Variants in ABCA10 observed in about 807,000 individuals in gnomAD.
ABCA10 encodes ATP-binding cassette sub-family A member 10.
ABCA10 carries 169 observed loss-of-function variants against 187.5 expected under a neutral mutation model. The ratio of observed to expected loss-of-function variants is 0.90; its 90% confidence interval spans 0.80 to 1.02. The LOEUF is 1.02. ABCA10 is among the 50% of genes least tolerant of loss of function. The pLI is 0.00. For missense variants in ABCA10, 1,727 were observed against 1,812.4 expected (o/e 0.95, Z 0.86); for synonymous variants, 574 against 601.8 (o/e 0.95, Z 0.68).
chr17:69,194,174 C>T (rs2074482121), intron 12 of ABCA10, among the ~76,000 whole-genome samples, 185 bp from the exon 13 acceptor site: 1 of 152,108 alleles, frequency 6.6e-6, no homozygotes, highest in South Asian at 2.1e-4. Context: ...TCTGTGTCCA[C>T]AGCAATGCAA....
At chr17:69,153,155 C>T (rs1055501732) in intron 34 of ABCA10, 150 bp downstream of exon 34, 1 of 850,512 alleles carries the variant, frequency 1.2e-6, no homozygotes, top group Non-Finnish European at 1.7e-6. Context: ...ATTTTGAATG[C>T]TATATTAGGT....
rs1221357520 is a variant in ABCA10 at position 69,185,633 on chromosome 17, G to A, written c.2341C>T (p.Leu781Phe). 6.2e-7 allele frequency: 1 copy of A among 1,602,916 alleles called. No homozygotes were observed. Among genetic ancestry groups the A allele is most frequent in the Non-Finnish European group, 8.5e-7 (1 of 1,173,408 alleles). The change falls in exon 20 of 39, where the codon CTT (leucine) becomes TTT (phenylalanine). Residue 781 changes from leucine to phenylalanine, a missense_variant. By Grantham distance (22) the Leu-to-Phe change is conservative. Coordinates refer to ENST00000690296, the MANE Select transcript of ABCA10 (RefSeq NM_001377321.1). The part of the protein sequence containing the change: ...RRALLCLLLV[L>F]GIAFIPIILE... ...ATGATGGGGATAAAAGCAATTCCAA[G>A]TACTAGTAACCTAAGTAAAACAAAA...
At chr17:69,216,863 T>C (rs1231500157) in intron 6 of ABCA10, among the ~76,000 whole-genome samples, 1 of 152,208 alleles carries the variant, frequency 6.6e-6, no homozygotes, top group Non-Finnish European at 1.5e-5. Flanking sequence ...TTTTTTATCC[T>C]TGTATGGCTA....
chr17:69,157,207 C>G (rs906396161), intron 27 of ABCA10, among the ~76,000 whole-genome samples: 1 of 151,994 alleles, frequency 6.6e-6, no homozygotes, highest in African/African-American at 2.4e-5. Flanking sequence ...GCTTTTAAAG[C>G]CAAATCTAAA....
At chr17:69,153,429 C>T in intron 33 of ABCA10, 30 bp from the exon 34 acceptor site, 1 of 1,613,634 alleles carries the variant, frequency 6.2e-7, no homozygotes, top group Non-Finnish European at 8.5e-7. Context: ...CCGTCGGCAC[C>T]CAGCCATGGG....
chr17:69,185,461 C>T lies in ABCA10; in HGVS notation c.2497+16G>A, dbSNP rs769759089. On this transcript the variant is annotated intron_variant, in intron 20 of 38. Transcript: ENST00000690296. Reference sequence around the variant, plus strand: ...GATAATAAAAACTCACACTAAATTTCAGCCCCATTTCTCACCTGTATTATT... The same window carrying T: ...GATAATAAAAACTCACACTAAATTTTAGCCCCATTTCTCACCTGTATTATT... 1.3e-6 allele frequency: 2 copies of T among 1,594,176 alleles called. No homozygotes were observed. The highest frequency in any genetic ancestry group is 3.5e-5 in the Admixed American group (2 of 57,010).
At chr17:69,149,859 C>A in intron 37 of ABCA10, 125 bp downstream of exon 37, 1 of 717,720 alleles carries the variant, frequency 1.4e-6, no homozygotes, top group Non-Finnish European at 2.2e-6. Context: ...TATGACTATC[C>A]TGGTAGGGAT....
chr17:69,168,800 A>G (rs4968786), intron 25 of ABCA10, among the ~76,000 whole-genome samples: 10,730 of 152,226 alleles, frequency 0.07, 512 homozygotes, highest in Admixed American at 0.15. Context: ...ATGGTTTTCA[A>G]AACAGGAGTT....
intron 9 of ABCA10, among the ~76,000 whole-genome samples, chr17:69,202,545 A>T (rs2074554314): frequency 6.6e-6 from 1 of 152,134 alleles, no homozygotes; most frequent in South Asian, 2.1e-4. Context: ...AGCATGGGAA[A>T]TTTTTTTAAT....
intron 22 of ABCA10, among the ~76,000 whole-genome samples, chr17:69,177,679 T>C (rs1295455807): frequency 6.6e-6 from 1 of 151,878 alleles, no homozygotes; most frequent in Non-Finnish European, 1.5e-5. Context: ...TGAGGCCAGA[T>C]GTGGTGGCTC....
At chr17:69,197,019 AG>A in intron 11 of ABCA10, 44 bp downstream of exon 11, 2 of 1,194,864 alleles carry the variant, frequency 1.7e-6, no homozygotes, top group Non-Finnish European at 1.1e-6. Context: ...AGGGAGGGGG[AG>A]GGGGAGAGGG....
At chr17:69,159,737 G>A (rs2074200499) in intron 27 of ABCA10, among the ~76,000 whole-genome samples, 1 of 151,912 alleles carries the variant, frequency 6.6e-6, no homozygotes, top group Admixed American at 6.6e-5. Flanking sequence ...CCTTAATGTG[G>A]CCATCATTAC....
chr17:69,207,914 G>A (rs2074603724), intron 9 of ABCA10, among the ~76,000 whole-genome samples: 1 of 152,116 alleles, frequency 6.6e-6, no homozygotes, highest in African/African-American at 2.4e-5. Context: ...TAAGAGAGTA[G>A]ATTTTAAGTG....
At chr17:69,222,418 A>G in intron 4 of ABCA10, 115 bp downstream of exon 4, 1 of 888,814 alleles carries the variant, frequency 1.1e-6, no homozygotes, top group African/African-American at 1.8e-5. Context: ...TTAAGTTCAG[A>G]GGGAAATGTA....
intron 1 of ABCA10, among the ~76,000 whole-genome samples, chr17:69,241,107 A>C (rs570462127): frequency 6.6e-6 from 1 of 152,206 alleles, no homozygotes; most frequent in South Asian, 2.1e-4. Context: ...TCAAACCTAA[A>C]CTTCCACGGT....
At position 69,201,493 on chromosome 17, in the gene ABCA10, T is replaced by A; in HGVS notation, c.1175+7A>T. 1 of 1,563,218 alleles carries A rather than the reference T, an allele frequency of 6.4e-7. No individual in the cohort carries two copies. Among genetic ancestry groups the A allele is most frequent in the East Asian group, 2.3e-5 (1 of 43,902 alleles). ...AAGTGTACATAGTCATGTAATTTCT[T>A]AGTTACCTTATGGCTTCTTTTCCAT... On this transcript the variant is annotated splice_region_variant and intron_variant, in intron 10 of 38. Transcript: ENST00000690296.
chr17:69,223,061 AG>A (rs539140964), intron 3 of ABCA10, among the ~76,000 whole-genome samples: 116 of 106,764 alleles, frequency 1.1e-3, no homozygotes, highest in Middle Eastern at 8.1e-3. Context: ...AGGGGAGGAG[AG>A]GGGGTAGGGG....
intron 5 of ABCA10, among the ~76,000 whole-genome samples, chr17:69,220,558 G>C (rs769314173): frequency 1.7e-4 from 26 of 152,166 alleles, no homozygotes; most frequent in Non-Finnish European, 1.6e-4. Context: ...CTTTTACTCA[G>C]CTAGGTGGTT....
At chr17:69,178,979 G>A (rs762095928) in intron 22 of ABCA10, 9 of 152,006 alleles carry the variant, frequency 5.9e-5, no homozygotes, top group East Asian at 1.9e-4. Flanking sequence ...CAAGCCTTCC[G>A]AACATTAATT....
Sources: gnomAD v4.1 joint callset for allele counts (sites outside exome capture counted in the v4.1 genomes callset) on GRCh38, gnomAD v4.1.1 for gene constraint, MANE v1.5 for transcripts, NCBI Gene and HGNC (gene_info 2026-07-23, HGNC 2026-07-21) for gene names.